ST8SIA6: variants seen among roughly 807,000 people sequenced by gnomAD.
ST8SIA6 encodes alpha-2,8-sialyltransferase 8F.
Under a neutral mutation model 33.6 loss-of-function variants are expected in ST8SIA6, and 39 were observed. The observed-to-expected ratio is 1.16, with a 90% CI of 0.90 to 1.52. The LOEUF (loss-of-function observed/expected upper bound fraction) is 1.52, where lower values mean the gene tolerates loss of function less well. ST8SIA6 is among the 40% of genes most tolerant of loss of function. The pLI is 0.00. For missense variants in ST8SIA6, 441 were observed against 443.8 expected, an observed-to-expected ratio of 0.99 and a Z score of 0.06; for synonymous variants, 172 against 167.2, an observed-to-expected ratio of 1.03 and a Z score of -0.22.
intron 3 of ST8SIA6, among the ~76,000 whole-genome samples, chr10:17,379,097 G>A (rs1199292119): frequency 6.7e-6 from 1 of 149,770 alleles, no homozygotes; most frequent in Non-Finnish European, 1.5e-5. Flanking sequence ...CTGCACTCCA[G>A]CCTGGGTGAC....
rs868455588 is a variant in ST8SIA6, at chr10:17,332,256, G to A, written c.378-704C>T. Among the ~76,000 whole-genome samples, 9 of 152,238 alleles carry A rather than the reference G, an allele frequency of 5.9e-5. No homozygotes were observed. The South Asian group carries it at 1.9e-3, about 32-fold the overall frequency. On this transcript the variant is annotated intron_variant, in intron 4 of 7. Transcript: ENST00000377602. Reference sequence around the variant, plus strand: ...GTAAACAGTGCTGCAATAAACATACGTGTACATGTGCCTTTATAGTAAAAT... The same window carrying A: ...GTAAACAGTGCTGCAATAAACATACATGTACATGTGCCTTTATAGTAAAAT...
intron 3 of ST8SIA6, among the ~76,000 whole-genome samples, chr10:17,385,212 C>T (rs76116688): frequency 0.013 from 2,018 of 152,284 alleles, 23 homozygotes; most frequent in Non-Finnish European, 0.022. Context: ...ATCTGATGGC[C>T]TTCCTTCGAA....
chr10:17,359,508 AATTACCTAAAATT>A lies in ST8SIA6; in HGVS notation c.370_377+5del. On this transcript the variant is annotated splice_donor_variant and splice_donor_5th_base_variant and coding_sequence_variant and intron_variant, in exon 4 of 8. Coordinates refer to ENST00000377602, the MANE Select transcript of ST8SIA6 (RefSeq NM_001004470.3). LOFTEE classifies it high-confidence loss of function. ...AAAATCTCATATTATTTATGAAAAAAATTACCTAAAATTTGCATATTCTTCTGCTTGCCGTTTC... is the reference window on the plus strand; with the variant it reads ...AAAATCTCATATTATTTATGAAAAAATGCATATTCTTCTGCTTGCCGTTTC... 6.3e-7 allele frequency: 1 copy of A among 1,584,910 alleles called. No individual in the cohort carries two copies. The highest frequency in any genetic ancestry group is 8.6e-7 in the Non-Finnish European group (1 of 1,161,308).
At chr10:17,400,379 A>G (rs1010285907) in intron 2 of ST8SIA6, among the ~76,000 whole-genome samples, 2 of 152,202 alleles carry the variant, frequency 1.3e-5, no homozygotes, top group Non-Finnish European at 2.9e-5. Context: ...TAAAAATACA[A>G]AACTTAGCCA....
chr10:17,325,160 TATA>T (rs3063093), intron 6 of ST8SIA6, among the ~76,000 whole-genome samples: 2,703 of 141,722 alleles, frequency 0.019, 29 homozygotes, highest in African/African-American at 0.023. Flanking sequence ...CATATTGTTA[TATA>T]ATATGTACAT....
rs1040442749 is a variant in ST8SIA6 at position 17,315,806 on chromosome 10, G to T, written c.*5072C>A. Among the ~76,000 whole-genome samples, 9 of 151,918 alleles carry T rather than the reference G, an allele frequency of 5.9e-5. No homozygotes were observed. The highest frequency in any genetic ancestry group is 1.3e-4 in the Non-Finnish European group (9 of 67,856). On this transcript the variant is annotated 3_prime_UTR_variant, in exon 8 of 8. Transcript: ENST00000377602. Reference sequence around the variant, plus strand: ...GCACAAGAAAACATTTTGGGGTAATGAATATATACATTGTCTTAATTGGAG... The same window carrying T: ...GCACAAGAAAACATTTTGGGGTAATTAATATATACATTGTCTTAATTGGAG...
Position 17,331,647 on chromosome 10 carries a change from A to C in ST8SIA6, c.378-95T>G, listed in dbSNP as rs1276954814. 2.4e-6 allele frequency: 3 copies of C among 1,270,792 alleles called. No individual in the cohort carries two copies. The Admixed American group carries it at 9.6e-5, about 41-fold the overall frequency. The allele number at this position is 1,270,792 out of a possible 1,614,324, so 78.7% of individuals were successfully genotyped here. ...GACAATGCCGAAGAGGATTTTGCCA[A>C]ACTGACTTTCAAAAAGAAGATAATT... On this transcript the variant is annotated intron_variant, in intron 4 of 7. Transcript: ENST00000377602.
At chr10:17,322,268 AAAAG>A (rs1847985907) in intron 7 of ST8SIA6, among the ~76,000 whole-genome samples, 1 of 151,850 alleles carries the variant, frequency 6.6e-6, no homozygotes, top group African/African-American at 2.4e-5. Context: ...AGAGAGAAAG[AAAAG>A]AAGGAGGGAG....
intron 3 of ST8SIA6, among the ~76,000 whole-genome samples, chr10:17,372,194 C>T (rs138073741): frequency 6.6e-6 from 1 of 152,150 alleles, no homozygotes; most frequent in Admixed American, 6.5e-5. Flanking sequence ...TACTGATACC[C>T]GAGCTTCAAG....
chr10:17,404,457 G>A (rs1588893630), intron 2 of ST8SIA6, among the ~76,000 whole-genome samples: 1 of 152,072 alleles, frequency 6.6e-6, no homozygotes, highest in South Asian at 2.1e-4. Flanking sequence ...CCTTAACCAA[G>A]CTACCCCAGT....
At chr10:17,353,242 T>C (rs1849089447) in intron 4 of ST8SIA6, among the ~76,000 whole-genome samples, 2 of 152,162 alleles carry the variant, frequency 1.3e-5, no homozygotes, top group African/African-American at 2.4e-5. Context: ...TTTGCAGAAA[T>C]AGTTCAGAAA....
intron 4 of ST8SIA6, among the ~76,000 whole-genome samples, chr10:17,345,629 A>G (rs570227445): frequency 6.6e-6 from 1 of 152,314 alleles, no homozygotes; most frequent in East Asian, 1.9e-4. Context: ...GGCTTGGCAG[A>G]TGGAGAACTA....
intron 3 of ST8SIA6, among the ~76,000 whole-genome samples, chr10:17,386,558 G>A (rs1012648658): frequency 8.5e-5 from 13 of 152,074 alleles, no homozygotes; most frequent in African/African-American, 2.7e-4. Context: ...AGAAAAGCAT[G>A]TAGTTAACCT....
At chr10:17,447,044 A>G (rs1030286651) in intron 2 of ST8SIA6, among the ~76,000 whole-genome samples, 1 of 151,534 alleles carries the variant, frequency 6.6e-6, no homozygotes, top group Non-Finnish European at 1.5e-5. Context: ...AAAAAAAAGA[A>G]AAAGAGAAAA....
intron 4 of ST8SIA6, among the ~76,000 whole-genome samples, chr10:17,354,024 C>A (rs1849114485): frequency 1.3e-5 from 2 of 152,152 alleles, no homozygotes; most frequent in Non-Finnish European, 2.9e-5. Context: ...GAATACAGTT[C>A]TTTTAAGTTA....
At chr10:17,379,451 C>A (rs1182082221) in intron 3 of ST8SIA6, among the ~76,000 whole-genome samples, 2 of 152,128 alleles carry the variant, frequency 1.3e-5, no homozygotes. Flanking sequence ...ATCTTGGGCC[C>A]CCAAAATCAC....
intron 2 of ST8SIA6, among the ~76,000 whole-genome samples, chr10:17,449,135 G>A (rs1298088283): frequency 6.6e-6 from 1 of 150,944 alleles, no homozygotes; most frequent in African/African-American, 2.5e-5. Context: ...GCATTCAATG[G>A]AAAATTCATA....
At chr10:17,367,576 T>A (rs191915520) in intron 3 of ST8SIA6, among the ~76,000 whole-genome samples, 1 of 152,262 alleles carries the variant, frequency 6.6e-6, no homozygotes, top group Admixed American at 6.5e-5. Flanking sequence ...AAACAAATAA[T>A]GAGTCTGATA....
At position 17,446,701 on chromosome 10, in the gene ST8SIA6, T is replaced by C. The variant is rs989090716; in HGVS notation, c.200+6858A>G. On this transcript the variant is annotated intron_variant, in intron 2 of 7. Coordinates refer to ENST00000377602, the MANE Select transcript of ST8SIA6 (RefSeq NM_001004470.3). Reference sequence around the variant, plus strand: ...TGAAGAAAAGGCAGAATAAGAACTATGCGAGACAGAAAACAAAGATTCACT... The same window carrying C: ...TGAAGAAAAGGCAGAATAAGAACTACGCGAGACAGAAAACAAAGATTCACT... Among the ~76,000 whole-genome samples, 11 of 151,972 alleles carry C rather than the reference T, an allele frequency of 7.2e-5. No individual in the cohort carries two copies. The East Asian group carries it at 2.1e-3, about 29-fold the overall frequency.
Sources: gnomAD v4.1 joint callset for allele counts (sites outside exome capture counted in the v4.1 genomes callset) on GRCh38, gnomAD v4.1.1 for gene constraint, MANE v1.5 for transcripts, NCBI Gene and HGNC (gene_info 2026-07-23, HGNC 2026-07-21) for gene names.